ARHGEF37: variants seen among roughly 807,000 people sequenced by gnomAD.
The protein encoded by ARHGEF37 is Rho guanine nucleotide exchange factor (GEF) 37.
ARHGEF37 carries 55 observed loss-of-function variants against 71.1 expected under a neutral mutation model. That is an observed-to-expected ratio of 0.77 (90% CI 0.62 to 0.97). The LOEUF (loss-of-function observed/expected upper bound fraction) is 0.97, where lower values mean the gene tolerates loss of function less well. ARHGEF37 is among the 50% of genes least tolerant of loss of function. ARHGEF37 has a pLI of 0.00. For synonymous variants in ARHGEF37, 327 were observed against 350.6 expected (o/e 0.93, Z 0.75); for missense variants, 765 against 836.8 (o/e 0.91, Z 1.06).
intron 1 of ARHGEF37, among the ~76,000 whole-genome samples, chr5:149,571,738 T>C (rs1762967682): frequency 6.6e-6 from 1 of 151,916 alleles, no homozygotes; most frequent in Non-Finnish European, 1.5e-5. Flanking sequence ...TTGGGCAACA[T>C]AGCAAAACCC....
intron 1 of ARHGEF37, among the ~76,000 whole-genome samples, chr5:149,572,317 TATC>T (rs1242153097): frequency 5.3e-5 from 8 of 152,244 alleles, no homozygotes. Context: ...ATTGACTTAA[TATC>T]ATAGTATGTA....
intron 12 of ARHGEF37, among the ~76,000 whole-genome samples, chr5:149,631,288 A>C (rs1260749132): frequency 6.7e-6 from 1 of 149,670 alleles, no homozygotes; most frequent in East Asian, 2.0e-4. Context: ...CTCCCACCTC[A>C]GCCTCCTGAG....
At chr5:149,552,176 T>G (rs1447633131) in intron 1 of ARHGEF37, 1 of 131,704 alleles carries the variant, frequency 7.6e-6, no homozygotes, top group African/African-American at 2.9e-5. Flanking sequence ...AGAAAATTAA[T>G]TTAACAAGAG....
At chr5:149,553,422 C>A (rs1430141455) in intron 1 of ARHGEF37, among the ~76,000 whole-genome samples, 1 of 151,320 alleles carries the variant, frequency 6.6e-6, no homozygotes, top group Non-Finnish European at 1.5e-5. Flanking sequence ...ATTAATTAAT[C>A]AATTCTGGTC....
chr5:149,553,386 G>A (rs541610023), intron 1 of ARHGEF37, among the ~76,000 whole-genome samples: 29 of 151,796 alleles, frequency 1.9e-4, no homozygotes, highest in South Asian at 8.3e-4. Flanking sequence ...GAGACAGAGC[G>A]AGACTCCACT....
intron 1 of ARHGEF37, among the ~76,000 whole-genome samples, chr5:149,555,360 A>G (rs915416304): frequency 2.6e-5 from 4 of 152,054 alleles, no homozygotes; most frequent in African/African-American, 7.2e-5. Context: ...CTGGAGTACA[A>G]TGGCACCACC....
At chr5:149,598,027 A>G in intron 2 of ARHGEF37, 72 bp downstream of exon 2, 1 of 1,483,622 alleles carries the variant, frequency 6.7e-7, no homozygotes, top group South Asian at 1.4e-5. Flanking sequence ...GAGATTTCTC[A>G]TCCATTCCTG....
chr5:149,616,893 T>A, intron 5 of ARHGEF37, 127 bp downstream of exon 5: 1 of 1,013,488 alleles, frequency 9.9e-7, no homozygotes, highest in Non-Finnish European at 1.4e-6. Flanking sequence ...CCAGAGGTAA[T>A]GCAAGCTTTA....
At chr5:149,566,950 ATTAAT>A (rs1353870668) in intron 1 of ARHGEF37, among the ~76,000 whole-genome samples, 2 of 152,318 alleles carry the variant, frequency 1.3e-5, no homozygotes, top group East Asian at 1.9e-4. Context: ...TTATAACTGT[ATTAAT>A]TTATCAAAAT....
chr5:149,626,331 G>T (rs1752684630), intron 10 of ARHGEF37, among the ~76,000 whole-genome samples: 1 of 151,344 alleles, frequency 6.6e-6, no homozygotes, highest in Admixed American at 6.6e-5. Flanking sequence ...AACATATTTA[G>T]TTTCTTATTG....
intron 1 of ARHGEF37, among the ~76,000 whole-genome samples, chr5:149,557,380 G>A (rs1762769535): frequency 6.6e-6 from 1 of 152,212 alleles, no homozygotes. Flanking sequence ...AAGGAACATA[G>A]ATAAACTGGG....
At chr5:149,605,574 T>C (rs1014592481) in intron 3 of ARHGEF37, among the ~76,000 whole-genome samples, 8 of 152,168 alleles carry the variant, frequency 5.3e-5, no homozygotes, top group African/African-American at 1.7e-4. Context: ...AGCTTTGGAA[T>C]CTGACTAACA....
Position 149,632,411 on chromosome 5 carries a change from C to G in ARHGEF37, c.*220C>G. The G allele has an allele frequency of 1.7e-6, 1 of 578,270 alleles. No homozygotes were observed. Among genetic ancestry groups the G allele is most frequent in the Non-Finnish European group, 3.1e-6 (1 of 325,452 alleles). 35.8% of individuals were successfully genotyped at this position (578,270 alleles called of 1,614,324 possible). A position where few individuals can be genotyped will look rare whatever the true frequency, so the allele number is the denominator to read the frequency against. ...CTCCAGCCAGGACTGCTCATTATGT[C>G]TGCATAAAGAACTCATTCCGACCTG... On this transcript the variant is annotated 3_prime_UTR_variant, in exon 13 of 13. Coordinates refer to ENST00000333677, the MANE Select transcript of ARHGEF37 (RefSeq NM_001001669.3).
rs747956524 is a variant in ARHGEF37 at position 149,627,232 on chromosome 5, A to G, written c.1621A>G (p.Thr541Ala). ...CGTGGCCATCCTTCAAAACAAGGAC[A>G]CCAAAGGCAACAGCGGCCGCTGGCT... ...QIVAILQNKD[T>A]KGNSGRWLVD... The change falls in exon 11 of 13, where the codon ACC (threonine) becomes GCC (alanine). Residue 541 changes from threonine to alanine, a missense_variant. Coordinates refer to ENST00000333677, the MANE Select transcript of ARHGEF37 (RefSeq NM_001001669.3). 3.7e-6 allele frequency: 6 copies of G among 1,614,000 alleles called. No individual in the cohort carries two copies. The highest frequency in any genetic ancestry group is 5.1e-6 in the Non-Finnish European group (6 of 1,180,018).
intron 3 of ARHGEF37, 117 bp from the exon 4 acceptor site, chr5:149,609,431 G>T: frequency 1.7e-6 from 2 of 1,179,792 alleles, no homozygotes; most frequent in Non-Finnish European, 1.2e-6. Context: ...GTGACATGCT[G>T]GTAAACCCAG....
intron 3 of ARHGEF37, among the ~76,000 whole-genome samples, chr5:149,604,333 T>C (rs1763843247): frequency 6.6e-6 from 1 of 152,190 alleles, no homozygotes. Context: ...TTAGTATAAG[T>C]ATATCCCAAA....
rs368884058 is a variant in ARHGEF37, at chr5:149,624,090, C to A, written c.1414C>A (p.Arg472Ser). ...DALGRTSNQL[R>S]SFQETFEKVQ... ...ACTGGGCCGGACGAGTAACCAGCTT[C>A]GCTCCTTTCAAGAGACCTTTGAGAA... Residue 472 changes from arginine (R) to serine (S), a missense_variant, in exon 10 of 13, where the codon CGC (arginine) becomes AGC (serine). Arg to Ser is a moderately radical substitution (Grantham distance 110). Coordinates refer to ENST00000333677, the MANE Select transcript of ARHGEF37 (RefSeq NM_001001669.3). 8.7e-6 allele frequency: 14 copies of A among 1,612,086 alleles called. No homozygotes were observed. In the East Asian group the frequency reaches 3.1e-4, roughly 36 times the overall value.
At chr5:149,571,099 C>T (rs550811441) in intron 1 of ARHGEF37, among the ~76,000 whole-genome samples, 70 of 151,672 alleles carry the variant, frequency 4.6e-4, no homozygotes, top group Admixed American at 1.8e-3. Context: ...TGCGCCACCA[C>T]GCCCAGCTAA....
chr5:149,589,749 CCTAAGGTGATCCTCCCGT>C (rs1381489049), intron 1 of ARHGEF37, among the ~76,000 whole-genome samples: 1 of 152,068 alleles, frequency 6.6e-6, no homozygotes, highest in Non-Finnish European at 1.5e-5. Context: ...ATCCTCCCGA[CCTAAGGTGATCCTCCCGT>C]CTTGGCCTCC....
Sources: gnomAD v4.1 joint callset for allele counts (sites outside exome capture counted in the v4.1 genomes callset) on GRCh38, gnomAD v4.1.1 for gene constraint, MANE v1.5 for transcripts, NCBI Gene and HGNC (gene_info 2026-07-23, HGNC 2026-07-21) for gene names.